The following TF variants were observed in gnomAD, a reference collection of about 807,000 sequenced individuals.
TF encodes transferrin, also known as serotransferrin.
In TF, 55 loss-of-function variants were observed where a neutral mutation model predicts 82.4. The ratio of observed to expected loss-of-function variants is 0.67; its 90% CI spans 0.54 to 0.84. TF has a LOEUF of 0.84. Among genes scored for constraint, TF ranks in the 40% least tolerant of loss-of-function variants. The pLI, the probability that TF is intolerant of heterozygous loss-of-function variation, is 0.00. For synonymous variants in TF, 332 were observed against 332.6 expected (o/e 1.00, Z 0.02); for missense variants, 737 against 868.4 (o/e 0.85, Z 1.90).
chr3:133,666,764 T>C, the TF span, among the ~76,000 whole-genome samples: 2 of 152,080 alleles, frequency 1.3e-5, no homozygotes, highest in Non-Finnish European at 2.9e-5. Flanking sequence ...TGGCCAGGCA[T>C]GGTGGCTCAT....
chr3:133,680,209 T>C, the TF span, among the ~76,000 whole-genome samples: 1 of 152,128 alleles, frequency 6.6e-6, no homozygotes, highest in Admixed American at 6.6e-5. Flanking sequence ...TTCTTTTTTT[T>C]CTTTCTTTTT....
the TF span, among the ~76,000 whole-genome samples, chr3:133,667,209 T>C: frequency 6.6e-6 from 1 of 151,804 alleles, no homozygotes; most frequent in African/African-American, 2.4e-5. Context: ...TTTTTAAAAT[T>C]AACTGAGTGT....
chr3:133,728,960 A>G, the TF span, among the ~76,000 whole-genome samples: 1 of 152,232 alleles, frequency 6.6e-6, no homozygotes, highest in African/African-American at 2.4e-5. Context: ...CGGTGGCTGC[A>G]GAACAGCGGA....
the TF span, among the ~76,000 whole-genome samples, chr3:133,732,976 G>C: frequency 6.6e-6 from 1 of 152,096 alleles, no homozygotes; most frequent in African/African-American, 2.4e-5. Context: ...GGAGAACCAG[G>C]GCCAGGATCT....
At chr3:133,759,077 C>A in intron 8 of TF, 98 bp from the exon 9 acceptor site, 1 of 1,496,102 alleles carries the variant, frequency 6.7e-7, no homozygotes, top group Non-Finnish European at 9.3e-7. Flanking sequence ...TTATTGCTGG[C>A]AAATCCCAGC....
chr3:133,769,842 A>G (rs1359459527), intron 13 of TF, among the ~76,000 whole-genome samples: 1 of 152,200 alleles, frequency 6.6e-6, no homozygotes, highest in African/African-American at 2.4e-5. Context: ...TTAAAATTAG[A>G]ACCCTACTAA....
intron 12 of TF, 52 bp downstream of exon 12, chr3:133,766,485 G>T (rs758080043): frequency 6.2e-7 from 1 of 1,612,414 alleles, no homozygotes; most frequent in Non-Finnish European, 8.5e-7. Flanking sequence ...AGAAAGCAGG[G>T]TCCTGCCTTA....
the TF span, among the ~76,000 whole-genome samples, chr3:133,705,353 G>A: frequency 6.6e-6 from 1 of 152,124 alleles, no homozygotes; most frequent in Admixed American, 6.5e-5. Flanking sequence ...TCCCTGGACT[G>A]GGTTCTTTCC....
rs1413977800 is a variant in TF at position 133,755,358 on chromosome 3, A to G, written c.503-5A>G. 2 of 1,614,130 alleles carry G rather than the reference A, an allele frequency of 1.2e-6. No homozygotes were observed. Among genetic ancestry groups the G allele is most frequent in the Non-Finnish European group, 1.7e-6 (2 of 1,180,022 alleles). On this transcript the variant is annotated splice_polypyrimidine_tract_variant and splice_region_variant and intron_variant, in intron 4 of 16. Coordinates refer to ENST00000402696, the MANE Select transcript of TF (RefSeq NM_001063.4). ...CTCTGTTGTCCATTTCTCTGTGCTG[A>G]GCAGCAGTGGCCAATTTCTTCTCGG...
At chr3:133,699,772 A>G in the TF span, 2 of 369,144 alleles carry the variant, frequency 5.4e-6, no homozygotes, top group Non-Finnish European at 1.0e-5. Context: ...CTCTTCACTG[A>G]CAAGCCGCTC....
chr3:133,729,918 A>G, the TF span, among the ~76,000 whole-genome samples: 2 of 151,678 alleles, frequency 1.3e-5, no homozygotes, highest in Admixed American at 6.6e-5. Flanking sequence ...CTTGTATCCC[A>G]CTGATCTTCC....
the TF span, among the ~76,000 whole-genome samples, chr3:133,678,582 G>C: frequency 0.03 from 4,531 of 152,138 alleles, 118 homozygotes; most frequent in African/African-American, 0.072. Context: ...ATCTCGTTGT[G>C]GTTTTGATTT....
the TF span, among the ~76,000 whole-genome samples, chr3:133,716,323 A>G: frequency 1.3e-5 from 2 of 151,918 alleles, no homozygotes; most frequent in Admixed American, 6.6e-5. Flanking sequence ...TCAAACTTAA[A>G]TGTCCAAAAC....
At chr3:133,743,846 A>G (rs1933437961), upstream of TF, among the ~76,000 whole-genome samples, 1 of 152,192 alleles carries the variant, frequency 6.6e-6, no homozygotes, top group South Asian at 2.1e-4. Context: ...ATAGACATAT[A>G]CAGGCATAGG....
the TF span, among the ~76,000 whole-genome samples, chr3:133,729,659 C>A: frequency 6.6e-6 from 1 of 152,294 alleles, no homozygotes; most frequent in Non-Finnish European, 1.5e-5. Context: ...CAGTGCGCTG[C>A]ACCCAGTGTC....
rs961563687 is a variant in TF at position 133,784,755 on chromosome 3, C to T, written c.*6135C>T. On this transcript the variant is annotated 3_prime_UTR_variant, in exon 17 of 17. Coordinates refer to ENST00000402696, the MANE Select transcript of TF (RefSeq NM_001063.4). Reference sequence around the variant, plus strand: ...AAATTGCCTTCCGTGAAACCATTCCCTGGTGCCAAAGAGGTTGGGGACCAC... The same window carrying T: ...AAATTGCCTTCCGTGAAACCATTCCTTGGTGCCAAAGAGGTTGGGGACCAC... 6.6e-6 allele frequency: 1 copy of T among 152,208 alleles called. No homozygotes were observed. The highest frequency in any genetic ancestry group is 2.4e-5 in the African/African-American group (1 of 41,434). The allele number at this position is 152,208 out of a possible 1,614,324, so 9.4% of individuals were successfully genotyped here.
intron 5 of TF, chr3:133,755,895 C>A (rs373040271): frequency 6.8e-5 from 29 of 427,176 alleles, no homozygotes; most frequent in African/African-American, 2.6e-4. Flanking sequence ...GCCCCCATCA[C>A]CGTCTCTATC....
In TF at chr3:133,766,452, G is replaced by A; in HGVS notation, c.1486+19G>A. 2 of 1,614,068 alleles carry A rather than the reference G, an allele frequency of 1.2e-6. No individual in the cohort carries two copies. Among genetic ancestry groups the A allele is most frequent in the Non-Finnish European group, 1.7e-6 (2 of 1,179,958 alleles). Reference sequence around the variant, plus strand: ...AGATTTGGTGAGTGAATATTGGGAAGGAGGGCTGGTGAGGGCCATGCCAGA... The same window carrying A: ...AGATTTGGTGAGTGAATATTGGGAAAGAGGGCTGGTGAGGGCCATGCCAGA... On this transcript the variant is annotated intron_variant, in intron 12 of 16. Transcript: ENST00000402696.
At chr3:133,686,325 A>G in the TF span, among the ~76,000 whole-genome samples, 3 of 152,234 alleles carry the variant, frequency 2.0e-5, no homozygotes, top group Non-Finnish European at 1.5e-5. Flanking sequence ...AAGCAATGGT[A>G]ACAAAAGCCA....
Sources: allele counts gnomAD v4.1 joint callset (sites outside exome capture counted in the v4.1 genomes callset), GRCh38; gene constraint gnomAD v4.1.1; transcripts MANE v1.5; gene names NCBI Gene and HGNC (gene_info 2026-07-23, HGNC 2026-07-21).